Variants in PTCHD1 observed in about 807,000 individuals in gnomAD.
PTCHD1 encodes the protein patched domain-containing protein 1.
A neutral mutation model predicts 34.6 loss-of-function variants in PTCHD1; 3 were observed. That is an observed-to-expected ratio of 0.09 (90% CI 0.04 to 0.22). The LOEUF is 0.22. Ranked by LOEUF, PTCHD1 falls within the 10% of genes least tolerant of loss-of-function variation. PTCHD1 has a pLI of 1.00. For missense variants in PTCHD1, 504 were observed against 685.5 expected, an observed-to-expected ratio of 0.74 and a Z score of 2.96; for synonymous variants, 305 against 283.1, an observed-to-expected ratio of 1.08 and a Z score of -0.77.
At chrX:23,337,557 C>T (rs188824321) in intron 1 of PTCHD1, among the ~76,000 whole-genome samples, 6 of 108,601 alleles carry the variant, frequency 5.5e-5, no homozygotes, top group Admixed American at 2.0e-4. Context: ...GACATGATGA[C>T]TTGTCCTTTA....
chrX:23,361,758 A>G (rs919837348), intron 1 of PTCHD1, among the ~76,000 whole-genome samples: 4 of 111,944 alleles, frequency 3.6e-5, no homozygotes, highest in African/African-American at 9.8e-5. Context: ...TGGTCTTTAC[A>G]ATTTGGCATG....
intron 1 of PTCHD1, among the ~76,000 whole-genome samples, chrX:23,335,498 G>A (rs1921144531): frequency 8.8e-6 from 1 of 113,456 alleles, no homozygotes; most frequent in South Asian, 3.6e-4. Context: ...CCACAGTGCT[G>A]TGGTCGGTGC....
intron 1 of PTCHD1, among the ~76,000 whole-genome samples, chrX:23,370,987 A>G (rs956918925): frequency 1.8e-5 from 2 of 111,406 alleles, no homozygotes; most frequent in Admixed American, 1.9e-4. Context: ...AGGTTCTGAC[A>G]GGACTCTTGG....
At position 23,345,220 on chromosome X, in the gene PTCHD1, A is replaced by G. The variant is rs139038579; in HGVS notation, c.351+9994A>G. On this transcript the variant is annotated intron_variant, in intron 1 of 2. Coordinates refer to ENST00000379361, the MANE Select transcript of PTCHD1 (RefSeq NM_173495.3). ...TCCACCAAAGAAGATTCCTCTGCCT[A>G]GCTGGTTCTCTATCCCTAATCTCTT... 2.6e-3 allele frequency among the ~76,000 whole-genome samples: 288 copies of G among 112,339 alleles called. 1 individual carries two copies. Among genetic ancestry groups the G allele is most frequent in the Middle Eastern group, 0.014 (3 of 217 alleles).
At chrX:23,338,479 G>A (rs1246100517) in intron 1 of PTCHD1, among the ~76,000 whole-genome samples, 8 of 111,693 alleles carry the variant, frequency 7.2e-5, no homozygotes, top group African/African-American at 2.3e-4. Context: ...GATTTATTCC[G>A]GAATCATCTA....
intron 1 of PTCHD1, among the ~76,000 whole-genome samples, chrX:23,363,971 GA>G (rs1169739585): frequency 1.8e-5 from 2 of 112,287 alleles, no homozygotes; most frequent in Non-Finnish European, 3.8e-5. Flanking sequence ...CAGGAGAATG[GA>G]AAAGTAAATT....
At chrX:23,358,774 G>A (rs1220603440) in intron 1 of PTCHD1, among the ~76,000 whole-genome samples, 6 of 110,328 alleles carry the variant, frequency 5.4e-5, no homozygotes, top group Non-Finnish European at 1.1e-4. Flanking sequence ...GGTTTTTATG[G>A]TTTTAGGTCT....
chrX:23,359,448 T>G (rs1921909472), intron 1 of PTCHD1, among the ~76,000 whole-genome samples: 1 of 111,944 alleles, frequency 8.9e-6, no homozygotes, highest in African/African-American at 3.3e-5. Flanking sequence ...GGCTCTCTCT[T>G]TGTCTGTTAT....
chrX:23,336,833 T>C (rs1370997303), intron 1 of PTCHD1, among the ~76,000 whole-genome samples: 3 of 112,006 alleles, frequency 2.7e-5, no homozygotes, highest in Non-Finnish European at 3.8e-5. Flanking sequence ...CGAAAACACA[T>C]AGTAGATTCA....
chrX:23,336,957 G>A (rs779902064), intron 1 of PTCHD1, among the ~76,000 whole-genome samples: 1 of 111,019 alleles, frequency 9.0e-6, no homozygotes, highest in African/African-American at 3.3e-5. Context: ...TCAAGGTGAC[G>A]TTTCCATTGC....
At chrX:23,383,498 T>G (rs1192949088) in intron 2 of PTCHD1, among the ~76,000 whole-genome samples, 1 of 111,891 alleles carries the variant, frequency 8.9e-6, no homozygotes, top group Non-Finnish European at 1.9e-5. Flanking sequence ...GGAAAGAATT[T>G]GGATAAACTC....
chrX:23,388,804 C>A (rs1374992330), intron 2 of PTCHD1, among the ~76,000 whole-genome samples: 1 of 109,902 alleles, frequency 9.1e-6, no homozygotes, highest in African/African-American at 3.3e-5. Flanking sequence ...GCACTCCAGC[C>A]TGGGAGACAG....
At chrX:23,347,814 T>G (rs1269241822) in intron 1 of PTCHD1, among the ~76,000 whole-genome samples, 1 of 111,146 alleles carries the variant, frequency 9.0e-6, no homozygotes, top group Non-Finnish European at 1.9e-5. Context: ...ATAACCACCC[T>G]GGGCAACATA....
chrX:23,400,724 A>C lies in PTCHD1; in HGVS notation c.*6539A>C, dbSNP rs1245781706. On this transcript the variant is annotated 3_prime_UTR_variant, in exon 3 of 3. Coordinates refer to ENST00000379361, the MANE Select transcript of PTCHD1 (RefSeq NM_173495.3). Reference sequence around the variant, plus strand: ...TGCATGAAGCACAAAGGACACACCAATGGCTGATCAGTGGCCCTTCCATCA... The same window carrying C: ...TGCATGAAGCACAAAGGACACACCACTGGCTGATCAGTGGCCCTTCCATCA... The C allele has an allele frequency of 8.9e-6, 1 of 112,288 alleles. No homozygotes were observed. Among genetic ancestry groups the C allele is most frequent in the Admixed American group, 9.4e-5 (1 of 10,635 alleles). 9.3% of individuals were successfully genotyped at this position (112,288 alleles called of 1,213,427 possible).
chrX:23,346,726 G>A (rs1921487688), intron 1 of PTCHD1, among the ~76,000 whole-genome samples: 1 of 112,063 alleles, frequency 8.9e-6, no homozygotes, highest in African/African-American at 3.2e-5. Flanking sequence ...GTCGTCAGTT[G>A]TCAGAGGTGA....
In PTCHD1 at chrX:23,399,006, G is replaced by GA. The variant is rs1347690621; in HGVS notation, c.*4827dup. 2 of 110,646 alleles carry GA rather than the reference G, an allele frequency of 1.8e-5. No individual in the cohort carries two copies. Among genetic ancestry groups the GA allele is most frequent in the Non-Finnish European group, 3.8e-5 (2 of 52,955 alleles). The allele number at this position is 110,646 out of a possible 1,213,427, so 9.1% of individuals were successfully genotyped here. On this transcript the variant is annotated 3_prime_UTR_variant, in exon 3 of 3. Transcript: ENST00000379361. The stretch of plus-strand genomic sequence containing the variant: ...CCTGATTAGGAGCCTACCTGGTGAG[G>GA]AAAAAAGCCTTCTTTTCAAAGTACA...
At chrX:23,371,952 G>C (rs904041179) in intron 1 of PTCHD1, among the ~76,000 whole-genome samples, 4 of 111,283 alleles carry the variant, frequency 3.6e-5, no homozygotes, top group Non-Finnish European at 7.5e-5. Flanking sequence ...TTACTCATGA[G>C]ATTATTATAT....
In PTCHD1 at chrX:23,395,507, G is replaced by C. The variant is rs1922966210; in HGVS notation, c.*1322G>C. 1 of 111,335 alleles carries C rather than the reference G, an allele frequency of 9.0e-6. No homozygotes were observed. Among genetic ancestry groups the C allele is most frequent in the Admixed American group, 9.5e-5 (1 of 10,500 alleles). 9.2% of individuals were successfully genotyped at this position (111,335 alleles called of 1,213,427 possible). ...AAAGTGGCTGCACCTCACCTTGCTG[G>C]TCCCCCCCACACCTTTTTTGATGTC... On this transcript the variant is annotated 3_prime_UTR_variant, in exon 3 of 3. Coordinates refer to ENST00000379361, the MANE Select transcript of PTCHD1 (RefSeq NM_173495.3).
At position 23,394,617 on chromosome X, in the gene PTCHD1, A is replaced by C. The variant is rs1302507823; in HGVS notation, c.*432A>C. 2 of 127,046 alleles carry C rather than the reference A, an allele frequency of 1.6e-5. No individual in the cohort carries two copies. Among genetic ancestry groups the C allele is most frequent in the East Asian group, 4.5e-4 (2 of 4,445 alleles). The allele number at this position is 127,046 out of a possible 1,213,427, so 10.5% of individuals were successfully genotyped here. ...AAACACCTTTAAGCATTGTTCAAAC[A>C]ATAAGGCTTCCAGAACTTCTGTAGA... On this transcript the variant is annotated 3_prime_UTR_variant, in exon 3 of 3. Transcript: ENST00000379361.
Sources: allele counts gnomAD v4.1 joint callset (sites outside exome capture counted in the v4.1 genomes callset), GRCh38; gene constraint gnomAD v4.1.1; transcripts MANE v1.5; gene names NCBI Gene and HGNC (gene_info 2026-07-23, HGNC 2026-07-21).